The following HDAC4 variants were observed in gnomAD, a reference collection of about 807,000 sequenced individuals.
The protein encoded by HDAC4 is histone deacetylase A.
In HDAC4, 16 loss-of-function variants were observed where a neutral mutation model predicts 135.1. The observed-to-expected ratio is 0.12, with a 90% CI of 0.08 to 0.18. The LOEUF (loss-of-function observed/expected upper bound fraction) is 0.18. Ranked by LOEUF, HDAC4 falls within the 10% of genes least tolerant of loss-of-function variation. The pLI, the probability that HDAC4 is intolerant of heterozygous loss-of-function variation, is 1.00. For synonymous variants in HDAC4, 685 were observed against 653.4 expected (o/e 1.05, Z -0.74); for missense variants, 1,143 against 1,511.8 (o/e 0.76, Z 4.05).
rs576945093 is a variant in HDAC4 at position 239,139,092 on chromosome 2, G to A, written c.978+592C>T. 9.8e-5 allele frequency among the ~76,000 whole-genome samples: 15 copies of A among 152,304 alleles called. No individual in the cohort carries two copies. Among genetic ancestry groups the A allele is most frequent in the South Asian group, 6.2e-4 (3 of 4,830 alleles). On this transcript the variant is annotated intron_variant, in intron 9 of 26. Coordinates refer to ENST00000543185, the MANE Select transcript of HDAC4 (RefSeq NM_001378414.1). This position sits in a 1 kb window ranked among gnomAD's most constrained non-coding sequence, Gnocchi z 5.3. Reference sequence around the variant, plus strand: ...GGGGACCAGGGGTGCTGAGCTCTGCGGTCTGAGATGCCTGGTTCCCGTGAT... The same window carrying A: ...GGGGACCAGGGGTGCTGAGCTCTGCAGTCTGAGATGCCTGGTTCCCGTGAT...
At chr2:239,120,023 G>A (rs2039500270) in intron 12 of HDAC4, among the ~76,000 whole-genome samples, 2 of 150,682 alleles carry the variant, frequency 1.3e-5, no homozygotes, top group East Asian at 4.0e-4. Flanking sequence ...TGAGCAGGAG[G>A]CACCAGGACT....
intron 2 of HDAC4, among the ~76,000 whole-genome samples, chr2:239,301,479 T>TA (rs1553603654): frequency 3.5e-4 from 53 of 150,228 alleles, no homozygotes; most frequent in East Asian, 1.4e-3. Flanking sequence ...TTCTTTTTTT[T>TA]TTTTTTTATT....
Position 239,139,643 on chromosome 2 carries a change from G to A in HDAC4, c.978+41C>T, listed in dbSNP as rs983287227. ...TTTCAAGCTCATCCGTCCCGAGTCCGACTCTAGCCGTAGGACACAGGACAA... is the reference window on the plus strand; with the variant it reads ...TTTCAAGCTCATCCGTCCCGAGTCCAACTCTAGCCGTAGGACACAGGACAA... On this transcript the variant is annotated intron_variant, in intron 9 of 26. Coordinates refer to ENST00000543185, the MANE Select transcript of HDAC4 (RefSeq NM_001378414.1). The surrounding 1 kb of genome is among the most constrained non-coding windows in gnomAD (Gnocchi z 5.3). 13 of 1,541,404 alleles carry A rather than the reference G, an allele frequency of 8.4e-6. No homozygotes were observed. The highest frequency in any genetic ancestry group is 4.5e-5 in the South Asian group (4 of 89,650).
chr2:239,227,589 C>G (rs72988633), intron 3 of HDAC4, among the ~76,000 whole-genome samples: 18,669 of 152,120 alleles, frequency 0.12, 1,250 homozygotes, highest in African/African-American at 0.14. Flanking sequence ...CAGACAAGCA[C>G]CTTGGGGAAA....
chr2:239,334,762 C>A (rs1186205631), intron 2 of HDAC4, among the ~76,000 whole-genome samples: 3 of 152,056 alleles, frequency 2.0e-5, no homozygotes, highest in Non-Finnish European at 2.9e-5. Flanking sequence ...GTGGCTCATG[C>A]CTGTAATCCC....
chr2:239,325,914 C>T (rs922746379), intron 2 of HDAC4, among the ~76,000 whole-genome samples: 4 of 151,692 alleles, frequency 2.6e-5, no homozygotes, highest in African/African-American at 4.8e-5. Flanking sequence ...TGCAGGAAGC[C>T]GAGATTGTAC....
intron 4 of HDAC4, among the ~76,000 whole-genome samples, chr2:239,178,217 A>T (rs2043896866): frequency 6.6e-6 from 1 of 152,146 alleles, no homozygotes; most frequent in Non-Finnish European, 1.5e-5. Flanking sequence ...TGTCCCGGTC[A>T]TGGTCTGTCT....
intron 24 of HDAC4, among the ~76,000 whole-genome samples, chr2:239,065,580 T>C (rs2106569773): frequency 6.6e-6 from 1 of 152,284 alleles, no homozygotes; most frequent in East Asian, 1.9e-4. Flanking sequence ...TAAAGTGCCC[T>C]GTCACCCCGA....
At chr2:239,371,648 CACAT>C (rs1407077219) in intron 1 of HDAC4, among the ~76,000 whole-genome samples, 1 of 152,266 alleles carries the variant, frequency 6.6e-6, no homozygotes, top group African/African-American at 2.4e-5. Flanking sequence ...ACCTCAAACA[CACAT>C]ACGCACGGAC....
At chr2:239,279,759 G>A (rs190722528) in intron 2 of HDAC4, among the ~76,000 whole-genome samples, 7 of 152,338 alleles carry the variant, frequency 4.6e-5, no homozygotes, top group Admixed American at 1.3e-4. Flanking sequence ...GGATGGGGGC[G>A]ACTGAGTGAG....
intron 17 of HDAC4, 34 bp downstream of exon 17, chr2:239,094,976 C>G: frequency 6.2e-7 from 1 of 1,613,780 alleles, no homozygotes. Flanking sequence ...CGAGAAGAAA[C>G]AGGACATTAT....
chr2:239,365,796 G>A (rs1308790389), intron 1 of HDAC4, among the ~76,000 whole-genome samples: 1 of 150,908 alleles, frequency 6.6e-6, no homozygotes, highest in Non-Finnish European at 1.5e-5. Flanking sequence ...GACCAGGGTC[G>A]TCAGGGTCAC....
intron 2 of HDAC4, among the ~76,000 whole-genome samples, chr2:239,278,220 C>T (rs2050503195): frequency 1.3e-5 from 2 of 151,350 alleles, no homozygotes; most frequent in South Asian, 4.2e-4. Flanking sequence ...AACAAAGCAT[C>T]AAGCCAAGTG....
intron 8 of HDAC4, 26 bp downstream of exon 8, chr2:239,144,557 C>A (rs762174155): frequency 6.2e-7 from 1 of 1,612,516 alleles, no homozygotes; most frequent in Non-Finnish European, 8.5e-7. Flanking sequence ...GGCAGCGGGG[C>A]GGGTGTACCT....
chr2:239,329,740 T>C (rs1269536952), intron 2 of HDAC4, among the ~76,000 whole-genome samples: 1 of 151,888 alleles, frequency 6.6e-6, no homozygotes, highest in Non-Finnish European at 1.5e-5. Flanking sequence ...CTACAAAGGG[T>C]TCTGGATCCC....
intron 22 of HDAC4, among the ~76,000 whole-genome samples, chr2:239,077,786 C>T (rs2034914351): frequency 6.6e-6 from 1 of 152,150 alleles, no homozygotes; most frequent in South Asian, 2.1e-4. Flanking sequence ...CTAAAACACA[C>T]CTGTCTACAA....
At chr2:239,345,720 A>C (rs1692582514) in intron 2 of HDAC4, among the ~76,000 whole-genome samples, 1 of 150,196 alleles carries the variant, frequency 6.7e-6, no homozygotes, top group African/African-American at 2.5e-5. Flanking sequence ...TAACACACAC[A>C]CCCTAACACA....
intron 1 of HDAC4, among the ~76,000 whole-genome samples, chr2:239,364,121 A>G (rs1694020746): frequency 6.6e-6 from 1 of 152,224 alleles, no homozygotes; most frequent in Non-Finnish European, 1.5e-5. Flanking sequence ...CAAAACAGTC[A>G]ACGGCACACA....
chr2:239,318,494 C>T (rs2053194600), intron 2 of HDAC4, among the ~76,000 whole-genome samples: 1 of 152,026 alleles, frequency 6.6e-6, no homozygotes. Context: ...CTGTTGATAA[C>T]GAGACATCAC....
Sources: allele counts gnomAD v4.1 joint callset (sites outside exome capture counted in the v4.1 genomes callset), GRCh38; gene constraint gnomAD v4.1.1; non-coding constraint Gnocchi (gnomAD v3.1); transcripts MANE v1.5; gene names NCBI Gene and HGNC (gene_info 2026-07-23, HGNC 2026-07-21).